Variants in KAZN observed in about 807,000 individuals in gnomAD.
KAZN encodes the protein kazrin, periplakin interacting protein, also known as kazrin.
In KAZN, 40 loss-of-function variants were observed where a neutral mutation model predicts 87.4. The ratio of observed to expected loss-of-function variants is 0.46; its 90% CI spans 0.36 to 0.60. The LOEUF (loss-of-function observed/expected upper bound fraction) is 0.60. KAZN is among the 20% of genes least tolerant of loss of function. The probability of loss-of-function intolerance (pLI) is 0.00; values close to 1 mark genes in which losing one functional copy is unlikely to be tolerated. For missense variants in KAZN, 898 were observed against 1,073.9 expected (o/e 0.84, Z 2.29); for synonymous variants, 466 against 458.3 (o/e 1.02, Z -0.22).
chr1:14,050,123 T>C (rs575272170), intron 1 of KAZN, among the ~76,000 whole-genome samples: 374 of 93,038 alleles, frequency 4.0e-3, no homozygotes, highest in Non-Finnish European at 7.1e-3. Flanking sequence ...TGTGTGGGCA[T>C]GCATGTGCAC....
chr1:14,419,813 G>C (rs955189291), intron 2 of KAZN, among the ~76,000 whole-genome samples: 17 of 152,084 alleles, frequency 1.1e-4, no homozygotes, highest in African/African-American at 4.1e-4. Context: ...CGGTGGGTTC[G>C]GGGTCTCGCT....
intron 8 of KAZN, among the ~76,000 whole-genome samples, chr1:15,078,427 A>G (rs989140835): frequency 2.0e-5 from 3 of 152,156 alleles, no homozygotes; most frequent in Non-Finnish European, 4.4e-5. Context: ...AAATAAAGTG[A>G]TGGAACGAGG....
At position 14,451,584 on chromosome 1, in the gene KAZN, AAGAGAG is replaced by A. The variant is rs5772582; in HGVS notation, c.250-147381_250-147376del. Among the ~76,000 whole-genome samples the A allele has an allele frequency of 6.4e-4, 95 of 148,546 alleles. 1 individual carries two copies. The highest frequency in any genetic ancestry group is 1.7e-3 in the South Asian group (8 of 4,664). ...ACAAAAACAGACCAGCAGTTTCAGA[AAGAGAG>A]AGAGAGAGAGAGAGAGAAAGAGAGA... On this transcript the variant is annotated intron_variant, in intron 2 of 16. Coordinates refer to the KAZN transcript ENST00000636203.
intron 1 of KAZN, among the ~76,000 whole-genome samples, chr1:14,025,035 G>T (rs1641008201): frequency 6.6e-6 from 1 of 152,148 alleles, no homozygotes; most frequent in African/African-American, 2.4e-5. Context: ...TTTGTCTCAG[G>T]GTTAAAAGCA....
Position 14,954,989 on chromosome 1 carries a change from C to T in KAZN, c.227-5695C>T, listed in dbSNP as rs145460139. Among the ~76,000 whole-genome samples, 828 of 152,294 alleles carry T rather than the reference C, an allele frequency of 5.4e-3. 5 individuals carry two copies. The highest frequency in any genetic ancestry group is 0.019 in the African/African-American group (799 of 41,576). On this transcript the variant is annotated intron_variant, in intron 1 of 14. Transcript: ENST00000376030. ...ATAGTCACCTGTGCCTAGCAGGTAC[C>T]ATACTAAGCAGTGCAGCTATAGACC...
chr1:14,054,789 C>T (rs909029943), intron 1 of KAZN, among the ~76,000 whole-genome samples: 17 of 152,116 alleles, frequency 1.1e-4, no homozygotes, highest in Admixed American at 1.0e-3. Context: ...GTAGGTCATG[C>T]GTGAGAGTTA....
chr1:13,967,781 A>T lies in KAZN; in HGVS notation c.91+74025A>T, dbSNP rs534971298. Among the ~76,000 whole-genome samples the T allele has an allele frequency of 5.3e-5, 8 of 152,288 alleles. No homozygotes were observed. In the South Asian group the frequency reaches 1.7e-3, roughly 32 times the overall value. On this transcript the variant is annotated intron_variant, in intron 1 of 16. Transcript: ENST00000636203. ...AGTTCAGATCCCAGTTCTCATTTTC[A>T]TAAGACCAGAGCGGGGCTTCACTGG...
In KAZN at chr1:15,096,567, A is replaced by G. The variant is rs1234425001; in HGVS notation, c.1547+1634A>G. ...TAGTCTGCTTGGGCTGCCATAACAA[A>G]ATGACACCATCTGGGTTGCTTAGAC... is the stretch of plus-strand genomic sequence containing the variant. On this transcript the variant is annotated intron_variant, in intron 10 of 14. Coordinates refer to ENST00000376030, the MANE Select transcript of KAZN (RefSeq NM_201628.3). This position sits in a 1 kb window ranked among gnomAD's most constrained non-coding sequence, Gnocchi z 4.5. 6.6e-6 allele frequency among the ~76,000 whole-genome samples: 1 copy of G among 152,134 alleles called. No homozygotes were observed. The highest frequency in any genetic ancestry group is 2.4e-5 in the African/African-American group (1 of 41,426).
intron 2 of KAZN, among the ~76,000 whole-genome samples, chr1:14,543,415 A>G (rs1672936104): frequency 6.6e-6 from 1 of 152,120 alleles, no homozygotes; most frequent in Non-Finnish European, 1.5e-5. Flanking sequence ...GTGAACTGTG[A>G]AGTTGGCTGG....
chr1:14,413,280 A>C (rs1171681159), intron 2 of KAZN, among the ~76,000 whole-genome samples: 1 of 152,004 alleles, frequency 6.6e-6, no homozygotes, highest in Non-Finnish European at 1.5e-5. Flanking sequence ...ACCTCAATAC[A>C]GAAAGAGAGA....
intron 1 of KAZN, among the ~76,000 whole-genome samples, chr1:14,007,374 T>C (rs1270448556): frequency 6.6e-6 from 1 of 152,206 alleles, no homozygotes; most frequent in African/African-American, 2.4e-5. Flanking sequence ...TCAAGTACTA[T>C]GTTGAATCAA....
At chr1:14,198,635 G>A (rs1244433995) in intron 2 of KAZN, among the ~76,000 whole-genome samples, 2 of 152,118 alleles carry the variant, frequency 1.3e-5, no homozygotes, top group Non-Finnish European at 2.9e-5. Flanking sequence ...GATGGTTGGG[G>A]CAATTGCGGA....
In KAZN at chr1:15,056,813, G is replaced by C. The variant is rs914861812; in HGVS notation, c.916+533G>C. On this transcript the variant is annotated intron_variant, in intron 5 of 14. Transcript: ENST00000376030. This position sits in a 1 kb window ranked among gnomAD's most constrained non-coding sequence, Gnocchi z 5.4. ...TCACAGGTGTTTGCTCCAGGCACTCGGCAGGGAAGTCTGGCCTGTGGACAG... is the reference window on the plus strand; with the variant it reads ...TCACAGGTGTTTGCTCCAGGCACTCCGCAGGGAAGTCTGGCCTGTGGACAG... Among the ~76,000 whole-genome samples, 1 of 152,192 alleles carries C rather than the reference G, an allele frequency of 6.6e-6. No homozygotes were observed. Among genetic ancestry groups the C allele is most frequent in the Non-Finnish European group, 1.5e-5 (1 of 68,030 alleles).
intron 1 of KAZN, among the ~76,000 whole-genome samples, chr1:14,626,298 T>C (rs1679135760): frequency 6.6e-6 from 1 of 152,258 alleles, no homozygotes; most frequent in Non-Finnish European, 1.5e-5. Context: ...GTGCTAAGCA[T>C]GGATGAAAAT....
At chr1:14,771,496 T>TAGGGAC (rs1645017573) in intron 1 of KAZN, among the ~76,000 whole-genome samples, 1 of 152,156 alleles carries the variant, frequency 6.6e-6, no homozygotes, top group South Asian at 2.1e-4. Flanking sequence ...TTGGCATTTT[T>TAGGGAC]CTCAATGAGG....
intron 1 of KAZN, among the ~76,000 whole-genome samples, chr1:13,911,371 C>T (rs2100869190): frequency 1.3e-5 from 2 of 152,266 alleles, no homozygotes; most frequent in South Asian, 4.1e-4. Context: ...TTATAAACAA[C>T]CAGATCTTGG....
intron 1 of KAZN, among the ~76,000 whole-genome samples, chr1:14,772,719 C>T (rs550363713): frequency 1.6e-4 from 25 of 152,178 alleles, no homozygotes; most frequent in East Asian, 9.7e-4. Flanking sequence ...TGCATTTCCA[C>T]GAATATCTAG....
intron 2 of KAZN, among the ~76,000 whole-genome samples, chr1:14,328,342 C>G (rs990704459): frequency 6.6e-6 from 1 of 152,182 alleles, no homozygotes; most frequent in Non-Finnish European, 1.5e-5. Flanking sequence ...CAATTCCCCT[C>G]CCCTTCCAAA....
At chr1:15,109,738 T>C (rs1442422904) in intron 13 of KAZN, among the ~76,000 whole-genome samples, 1 of 150,748 alleles carries the variant, frequency 6.6e-6, no homozygotes, top group Non-Finnish European at 1.5e-5. Flanking sequence ...TGTGTGTATG[T>C]GTGTTTGTGT....
Sources: gnomAD v4.1 joint callset for allele counts (sites outside exome capture counted in the v4.1 genomes callset) on GRCh38, gnomAD v4.1.1 for gene constraint, Gnocchi (gnomAD v3.1) non-coding constraint, MANE v1.5 for transcripts, NCBI Gene and HGNC (gene_info 2026-07-23, HGNC 2026-07-21) for gene names.